Variants in MAP1LC3B observed in about 807,000 individuals in gnomAD.
MAP1LC3B encodes microtubule-associated protein 1 light chain 3 beta.
MAP1LC3B carries 12 observed loss-of-function variants against 16.7 expected under a neutral mutation model. The observed-to-expected ratio is 0.72, with a 90% CI of 0.46 to 1.16. The LOEUF is 1.16. MAP1LC3B is among the 50% of genes most tolerant of loss of function. The pLI, the probability that MAP1LC3B is intolerant of heterozygous loss-of-function variation, is 0.00. For missense variants in MAP1LC3B, 155 were observed against 159.5 expected (o/e 0.97, Z 0.15); for synonymous variants, 63 against 56.5 (o/e 1.11, Z -0.51).
chr16:87,398,731 G>A lies in MAP1LC3B; in HGVS notation c.41-84G>A, dbSNP rs570369363. The stretch of plus-strand genomic sequence containing the variant: ...TTCTGCTGTGCCACAGCTAGCAGCT[G>A]AACTTGGATGGAGAACCAGCAGCAG... On this transcript the variant is annotated intron_variant, in intron 1 of 3. Transcript: ENST00000268607. 4 of 1,237,152 alleles carry A rather than the reference G, an allele frequency of 3.2e-6. No homozygotes were observed. The African/African-American group carries it at 5.9e-5, about 18-fold the overall frequency. 76.6% of individuals were successfully genotyped at this position (1,237,152 alleles called of 1,614,324 possible). A position where few individuals can be genotyped will look rare whatever the true frequency, so the allele number is the denominator to read the frequency against.
intron 1 of MAP1LC3B, among the ~76,000 whole-genome samples, chr16:87,397,474 C>G (rs1421530488): frequency 6.6e-6 from 1 of 151,962 alleles, no homozygotes; most frequent in South Asian, 2.1e-4. Context: ...AAAAATTAGC[C>G]GAGCATGGTG....
At chr16:87,399,526 G>C (rs755399848) in intron 2 of MAP1LC3B, 2 of 441,446 alleles carry the variant, frequency 4.5e-6, no homozygotes, top group African/African-American at 2.0e-5. Flanking sequence ...GTACAAATAA[G>C]CATTTTTCTT....
intron 1 of MAP1LC3B, chr16:87,396,640 A>T (rs890238515): frequency 2.6e-5 from 4 of 152,100 alleles, no homozygotes; most frequent in African/African-American, 9.7e-5. Context: ...ATCCACACTG[A>T]CACAATGGAC....
intron 2 of MAP1LC3B, chr16:87,399,921 G>A (rs942730362): frequency 5.6e-5 from 11 of 197,150 alleles, no homozygotes; most frequent in East Asian, 1.4e-4. Context: ...CTACAGGCAC[G>A]TGCCACTACG....
At chr16:87,392,704 C>T (rs868118717) in intron 1 of MAP1LC3B, 3 of 199,536 alleles carry the variant, frequency 1.5e-5, no homozygotes, top group Middle Eastern at 4.2e-3. Flanking sequence ...GCGGACCTCT[C>T]GGAGGCCTGG....
At chr16:87,399,056 A>C (rs1353462934) in intron 2 of MAP1LC3B, 186 bp downstream of exon 2, 2 of 589,446 alleles carry the variant, frequency 3.4e-6, no homozygotes, top group Non-Finnish European at 6.1e-6. Context: ...CCCAGGCTGG[A>C]GTGCAGTGGT....
At position 87,403,029 on chromosome 16, in the gene MAP1LC3B, G is replaced by T. The variant is rs371925748; in HGVS notation, c.310G>T (p.Asp104Tyr). The change falls in exon 4 of 4, where the codon GAT (aspartate) becomes TAT (tyrosine). Residue 104 changes from aspartate to tyrosine, a missense_variant. Transcript: ENST00000268607. Reference sequence around the variant, plus strand: ...CTCAGAGGTGTATGAGAGTGAGAAAGATGAAGATGGATTCCTGTACATGGT... The same window carrying T: ...CTCAGAGGTGTATGAGAGTGAGAAATATGAAGATGGATTCCTGTACATGGT... ...PISEVYESEK[D>Y]EDGFLYMVYA... is the part of the protein sequence containing the mutation. The T allele has an allele frequency of 6.2e-7, 1 of 1,614,038 alleles. No individual in the cohort carries two copies. The highest frequency in any genetic ancestry group is 8.5e-7 in the Non-Finnish European group (1 of 1,180,028).
rs529905886 is a variant in MAP1LC3B at position 87,403,499 on chromosome 16, C to T, written c.*402C>T. On this transcript the variant is annotated 3_prime_UTR_variant, in exon 4 of 4. Coordinates refer to ENST00000268607, the MANE Select transcript of MAP1LC3B (RefSeq NM_022818.5). ...CTTCTCTTCAGGTTCACAAAACCCG[C>T]CGCCTTTTTGGGTAGAAGTTTTCTA... 78 of 165,166 alleles carry T rather than the reference C, an allele frequency of 4.7e-4. No individual in the cohort carries two copies. Among genetic ancestry groups the T allele is most frequent in the Admixed American group, 9.3e-4 (16 of 17,160 alleles). 10.2% of individuals were successfully genotyped at this position (165,166 alleles called of 1,614,324 possible). A position where few individuals can be genotyped will look rare whatever the true frequency, so the allele number is the denominator to read the frequency against.
intron 1 of MAP1LC3B, 88 bp downstream of exon 1, chr16:87,392,555 G>A: frequency 8.6e-7 from 1 of 1,159,280 alleles, no homozygotes; most frequent in Non-Finnish European, 1.1e-6. Context: ...GTGAGGGGTC[G>A]GGGCCGAGCC....
intron 1 of MAP1LC3B, among the ~76,000 whole-genome samples, chr16:87,396,334 G>T (rs1009755571): frequency 6.6e-5 from 10 of 151,842 alleles, no homozygotes; most frequent in Non-Finnish European, 1.3e-4. Flanking sequence ...AATTAGCCGG[G>T]CGTGGTGGCG....
At chr16:87,396,117 T>C (rs1277379963) in intron 1 of MAP1LC3B, among the ~76,000 whole-genome samples, 1 of 151,552 alleles carries the variant, frequency 6.6e-6, no homozygotes, top group Non-Finnish European at 1.5e-5. Context: ...CGCCTTGGCC[T>C]CCCAAAGTGC....
intron 2 of MAP1LC3B, among the ~76,000 whole-genome samples, chr16:87,401,249 A>G (rs1191106676): frequency 6.6e-6 from 1 of 151,938 alleles, no homozygotes; most frequent in Non-Finnish European, 1.5e-5. Flanking sequence ...TGCCTCGGTA[A>G]GGCTTGAGGT....
At position 87,392,385 on chromosome 16, in the gene MAP1LC3B, AC is replaced by A; in HGVS notation, c.-40del. Reference sequence around the variant, plus strand: ...GCCGCCGCCCCCGGGAGCCGCCGGGACCCTCGCGTCGTCGCCGCCGCCGCCG... The same window carrying A: ...GCCGCCGCCCCCGGGAGCCGCCGGGACCTCGCGTCGTCGCCGCCGCCGCCG... On this transcript the variant is annotated 5_prime_UTR_variant, in exon 1 of 4. Coordinates refer to ENST00000268607, the MANE Select transcript of MAP1LC3B (RefSeq NM_022818.5). The A allele has an allele frequency of 7.1e-7, 1 of 1,405,846 alleles. No homozygotes were observed. Among genetic ancestry groups the A allele is most frequent in the Non-Finnish European group, 9.2e-7 (1 of 1,088,368 alleles). The allele number at this position is 1,405,846 out of a possible 1,614,324, so 87.1% of individuals were successfully genotyped here.
intron 2 of MAP1LC3B, chr16:87,400,109 T>C (rs1276798614): frequency 6.4e-6 from 1 of 155,552 alleles, no homozygotes; most frequent in Admixed American, 6.2e-5. Flanking sequence ...AAACTATATG[T>C]GTTCCCTGTG....
intron 2 of MAP1LC3B, 143 bp downstream of exon 2, chr16:87,399,013 C>CCTTT: frequency 1.4e-6 from 1 of 690,566 alleles, no homozygotes; most frequent in Non-Finnish European, 2.6e-6. Context: ...AGAGAGGTAT[C>CCTTT]CTTTTTTTAA....
At chr16:87,402,028 G>A (rs191653859) in intron 2 of MAP1LC3B, 147 bp from the exon 3 acceptor site, 12,033 of 634,954 alleles carry the variant, frequency 0.019, 145 homozygotes, top group Middle Eastern at 0.026. Flanking sequence ...GTAGAGATGG[G>A]GTTTCACCAT....
chr16:87,395,459 CAG>C (rs566201632), intron 1 of MAP1LC3B, among the ~76,000 whole-genome samples: 7 of 152,330 alleles, frequency 4.6e-5, no homozygotes, highest in Non-Finnish European at 8.8e-5. Flanking sequence ...CATTAGGAAA[CAG>C]GGAGTAAAAG....
At position 87,392,397 on chromosome 16, in the gene MAP1LC3B, T is replaced by C. The variant is rs1008623229; in HGVS notation, c.-31T>C. The stretch of plus-strand genomic sequence containing the variant: ...GGGAGCCGCCGGGACCCTCGCGTCG[T>C]CGCCGCCGCCGCCGCCCAGATCCCT... On this transcript the variant is annotated 5_prime_UTR_variant, in exon 1 of 4. Coordinates refer to ENST00000268607, the MANE Select transcript of MAP1LC3B (RefSeq NM_022818.5). The C allele has an allele frequency of 9.9e-6, 14 of 1,409,230 alleles. No individual in the cohort carries two copies. Among genetic ancestry groups the C allele is most frequent in the African/African-American group, 7.6e-5 (5 of 65,770 alleles). 87.3% of individuals were successfully genotyped at this position (1,409,230 alleles called of 1,614,324 possible).
rs553715351 is a variant in MAP1LC3B, at chr16:87,402,113, G to A, written c.97-62G>A. ...GCCTCCCAAAATGCTGGGGTTACAGGTGTGAGCCACCGCGCCTGGCCCTGA... is the reference window on the plus strand; with the variant it reads ...GCCTCCCAAAATGCTGGGGTTACAGATGTGAGCCACCGCGCCTGGCCCTGA... On this transcript the variant is annotated intron_variant, in intron 2 of 3. Coordinates refer to ENST00000268607, the MANE Select transcript of MAP1LC3B (RefSeq NM_022818.5). 3.1e-3 allele frequency: 4,824 copies of A among 1,566,074 alleles called. 17 individuals carry two copies. The highest frequency in any genetic ancestry group is 3.8e-3 in the Non-Finnish European group (4,294 of 1,138,318).
Sources: allele counts gnomAD v4.1 joint callset (sites outside exome capture counted in the v4.1 genomes callset), GRCh38; gene constraint gnomAD v4.1.1; transcripts MANE v1.5; gene names NCBI Gene and HGNC (gene_info 2026-07-23, HGNC 2026-07-21).